LPP: variants seen among roughly 807,000 people sequenced by gnomAD.
LPP encodes lipoma-preferred partner.
A neutral mutation model predicts 60.4 loss-of-function variants in LPP; 38 were observed. The observed-to-expected ratio is 0.63, with a 90% CI of 0.49 to 0.83. The LOEUF is 0.83. Among genes scored for constraint, LPP ranks in the 40% least tolerant of loss-of-function variants. The pLI, the probability that LPP is intolerant of heterozygous loss-of-function variation, is 0.00. For synonymous variants in LPP, 328 were observed against 290.8 expected (o/e 1.13, Z -1.30); for missense variants, 902 against 783.6 (o/e 1.15, Z -1.80).
chr3:188,440,892 G>T (rs1793608765), intron 4 of LPP, among the ~76,000 whole-genome samples: 1 of 151,706 alleles, frequency 6.6e-6, no homozygotes. Context: ...AAATTGCTGG[G>T]ATTAAAAAGA....
chr3:188,524,065 C>T (rs982740769), intron 5 of LPP, among the ~76,000 whole-genome samples: 14 of 152,322 alleles, frequency 9.2e-5, no homozygotes, highest in Admixed American at 8.5e-4. Context: ...TCCATGCTCA[C>T]TGCCACATGC....
chr3:188,402,359 A>C (rs1782452224), intron 3 of LPP, among the ~76,000 whole-genome samples: 1 of 152,234 alleles, frequency 6.6e-6, no homozygotes, highest in Non-Finnish European at 1.5e-5. Context: ...AGTGTAACAA[A>C]GGATTTATTC....
chr3:188,608,324 CTT>C (rs1392664200), intron 6 of LPP, among the ~76,000 whole-genome samples: 2 of 152,194 alleles, frequency 1.3e-5, no homozygotes, highest in Non-Finnish European at 2.9e-5. Context: ...CCTTTCTCAT[CTT>C]TAAATCATTA....
At chr3:188,301,757 C>T (rs1017248894) in intron 2 of LPP, among the ~76,000 whole-genome samples, 3 of 151,924 alleles carry the variant, frequency 2.0e-5, no homozygotes, top group Non-Finnish European at 4.4e-5. Context: ...ACCTCAATGT[C>T]CTGGAGTCAC....
At chr3:188,309,943 T>G (rs1261384148) in intron 2 of LPP, among the ~76,000 whole-genome samples, 1 of 152,078 alleles carries the variant, frequency 6.6e-6, no homozygotes, top group African/African-American at 2.4e-5. Context: ...AGGAGTACTT[T>G]TGTTTCATTA....
chr3:188,735,697 T>G (rs1024195736), intron 8 of LPP, among the ~76,000 whole-genome samples: 3 of 152,130 alleles, frequency 2.0e-5, no homozygotes, highest in Non-Finnish European at 4.4e-5. Context: ...AATAACATAT[T>G]TTAAAGTTAC....
intron 8 of LPP, among the ~76,000 whole-genome samples, chr3:188,732,136 T>C (rs975147243): frequency 1.8e-4 from 27 of 152,304 alleles, no homozygotes; most frequent in African/African-American, 6.3e-4. Flanking sequence ...CAAAAGGGAA[T>C]TAAGTAAGGA....
At chr3:188,653,928 T>C (rs1286869105) in intron 7 of LPP, among the ~76,000 whole-genome samples, 1 of 152,210 alleles carries the variant, frequency 6.6e-6, no homozygotes, top group East Asian at 1.9e-4. Context: ...CAGTTAGTGA[T>C]TTGCCACCAC....
intron 2 of LPP, among the ~76,000 whole-genome samples, chr3:188,317,312 CATTAATGGTGTGTT>C (rs1306407456): frequency 6.6e-6 from 1 of 151,708 alleles, no homozygotes; most frequent in African/African-American, 2.4e-5. Context: ...TTGTCCTCAC[CATTAATGGTGTGTT>C]ATTATTCATG....
intron 8 of LPP, among the ~76,000 whole-genome samples, chr3:188,727,057 A>T (rs2149977776): frequency 6.6e-6 from 1 of 152,260 alleles, no homozygotes; most frequent in Admixed American, 6.5e-5. Flanking sequence ...TAGGTCTACA[A>T]TTTAGGTGCT....
intron 9 of LPP, among the ~76,000 whole-genome samples, chr3:188,789,663 C>T (rs1743075524): frequency 1.3e-5 from 2 of 151,996 alleles, no homozygotes; most frequent in South Asian, 4.1e-4. Flanking sequence ...CTTACTTATT[C>T]ATGTTTACAG....
chr3:188,167,590 G>GT lies in LPP; in HGVS notation c.-190+13353dup, dbSNP rs35903893. 2.0e-3 allele frequency among the ~76,000 whole-genome samples: 277 copies of GT among 139,080 alleles called. 17 individuals carry two copies. The highest frequency in any genetic ancestry group is 7.5e-3 in the Middle Eastern group (2 of 266). The allele number at this position is 139,080 out of a possible 152,430, so 91.2% of individuals were successfully genotyped here. On this transcript the variant is annotated intron_variant, in intron 1 of 11. Coordinates refer to ENST00000617246, the MANE Select transcript of LPP (RefSeq NM_001375462.1). ...AAAATGTTATCTTTGTGTGTGTGTTGTTTTTTTTTTTTTTTAGGATTCTCT... is the reference window on the plus strand; with the variant it reads ...AAAATGTTATCTTTGTGTGTGTGTTGTTTTTTTTTTTTTTTTAGGATTCTCT...
At chr3:188,819,734 T>C (rs1462829789) in intron 9 of LPP, among the ~76,000 whole-genome samples, 1 of 152,102 alleles carries the variant, frequency 6.6e-6, no homozygotes, top group Non-Finnish European at 1.5e-5. Context: ...TGGGTGGCGA[T>C]GATTCAGGCA....
chr3:188,425,311 G>T (rs1162383897), intron 4 of LPP, among the ~76,000 whole-genome samples: 4 of 152,124 alleles, frequency 2.6e-5, no homozygotes, highest in Non-Finnish European at 5.9e-5. Flanking sequence ...TTTCATAGTG[G>T]ATAAGCTTTT....
intron 9 of LPP, among the ~76,000 whole-genome samples, chr3:188,827,643 G>A (rs1266746340): frequency 1.3e-5 from 2 of 152,148 alleles, no homozygotes; most frequent in South Asian, 4.1e-4. Context: ...AAAATATTGG[G>A]AGTCTTGTGC....
chr3:188,436,241 G>A (rs1211667015), intron 4 of LPP, among the ~76,000 whole-genome samples: 1 of 152,200 alleles, frequency 6.6e-6, no homozygotes, highest in African/African-American at 2.4e-5. Context: ...CAGGGCTCCT[G>A]ACTTCTGACC....
intron 9 of LPP, among the ~76,000 whole-genome samples, chr3:188,856,456 G>A (rs182172559): frequency 6.6e-6 from 1 of 152,330 alleles, no homozygotes. Context: ...GTCAGAGGCT[G>A]TTGAACCAAG....
At chr3:188,866,980 T>C (rs1766796651) in intron 10 of LPP, among the ~76,000 whole-genome samples, 1 of 152,116 alleles carries the variant, frequency 6.6e-6, no homozygotes, top group African/African-American at 2.4e-5. Context: ...TCCACCCAAG[T>C]CTTCTCTTTC....
chr3:188,535,782 GATAAC>G (rs1823416422), intron 6 of LPP, among the ~76,000 whole-genome samples: 1 of 151,984 alleles, frequency 6.6e-6, no homozygotes, highest in Admixed American at 6.6e-5. Context: ...TTACTGTTGA[GATAAC>G]ATAAGAAAGA....
Sources: allele counts gnomAD v4.1 joint callset (sites outside exome capture counted in the v4.1 genomes callset), GRCh38; gene constraint gnomAD v4.1.1; transcripts MANE v1.5; gene names NCBI Gene and HGNC (gene_info 2026-07-23, HGNC 2026-07-21).